SDC2: variants seen among roughly 807,000 people sequenced by gnomAD.
SDC2 encodes syndecan 2, also known as syndecan-2.
Under a neutral mutation model 22.2 loss-of-function variants are expected in SDC2, and 13 were observed. That is an observed-to-expected ratio of 0.59 (90% CI 0.38 to 0.93). The LOEUF (loss-of-function observed/expected upper bound fraction) is 0.93, where lower values mean the gene tolerates loss of function less well. Among genes scored for constraint, SDC2 ranks in the 40% least tolerant of loss-of-function variants. The pLI is 0.00. For synonymous variants in SDC2, 94 were observed against 92.8 expected, an observed-to-expected ratio of 1.01 and a Z score of -0.07; for missense variants, 235 against 246.8, an observed-to-expected ratio of 0.95 and a Z score of 0.32.
chr8:96,592,828 C>T (rs569595903), intron 1 of SDC2, among the ~76,000 whole-genome samples: 1 of 152,332 alleles, frequency 6.6e-6, no homozygotes, highest in African/African-American at 2.4e-5. Flanking sequence ...TAGAAGCAGG[C>T]GTGCAGTGGG....
intron 1 of SDC2, among the ~76,000 whole-genome samples, chr8:96,571,480 C>A (rs184979947): frequency 4.6e-5 from 7 of 152,320 alleles, no homozygotes; most frequent in African/African-American, 1.7e-4. Flanking sequence ...CTCAAATTTC[C>A]ATACAGATTA....
intron 1 of SDC2, among the ~76,000 whole-genome samples, chr8:96,509,487 C>T (rs1813297493): frequency 7.1e-6 from 1 of 141,722 alleles, no homozygotes; most frequent in South Asian, 2.3e-4. Context: ...AAGGAGGAGG[C>T]ATTTTGGTTT....
intron 1 of SDC2, among the ~76,000 whole-genome samples, chr8:96,567,404 A>G (rs996269234): frequency 1.3e-5 from 2 of 152,222 alleles, no homozygotes; most frequent in African/African-American, 2.4e-5. Flanking sequence ...TTTTGGTTAT[A>G]TGAATTAATC....
At chr8:96,505,277 T>C (rs1170941918) in intron 1 of SDC2, among the ~76,000 whole-genome samples, 1 of 152,128 alleles carries the variant, frequency 6.6e-6, no homozygotes, top group Non-Finnish European at 1.5e-5. Flanking sequence ...TTAAAGAAGG[T>C]CAGCATCGGA....
At chr8:96,509,819 G>A (rs1205166524) in intron 1 of SDC2, among the ~76,000 whole-genome samples, 1 of 152,176 alleles carries the variant, frequency 6.6e-6, no homozygotes, top group African/African-American at 2.4e-5. Flanking sequence ...TGGCTTTCCA[G>A]GACTCATCTG....
intron 1 of SDC2, among the ~76,000 whole-genome samples, chr8:96,583,821 T>C (rs570787499): frequency 6.6e-6 from 1 of 152,226 alleles, no homozygotes; most frequent in Admixed American, 6.5e-5. Context: ...TACTTATTAC[T>C]ATGTGGTATA....
At chr8:96,512,671 T>C (rs1340090221) in intron 1 of SDC2, among the ~76,000 whole-genome samples, 1 of 152,164 alleles carries the variant, frequency 6.6e-6, no homozygotes, top group African/African-American at 2.4e-5. Flanking sequence ...TAGTCAAGCA[T>C]GGAATATTTG....
chr8:96,557,505 C>G (rs1192727306), intron 1 of SDC2, among the ~76,000 whole-genome samples: 2 of 149,580 alleles, frequency 1.3e-5, no homozygotes, highest in Non-Finnish European at 1.5e-5. Flanking sequence ...AATCATCATT[C>G]TCAGTAAACT....
intron 1 of SDC2, among the ~76,000 whole-genome samples, chr8:96,532,194 T>C (rs748984775): frequency 3.3e-5 from 5 of 152,112 alleles, no homozygotes; most frequent in Admixed American, 6.5e-5. Flanking sequence ...ATAAGTACAG[T>C]GAATGTGGGC....
intron 1 of SDC2, among the ~76,000 whole-genome samples, chr8:96,499,439 A>G (rs892949535): frequency 6.6e-6 from 1 of 152,232 alleles, no homozygotes; most frequent in Non-Finnish European, 1.5e-5. Context: ...TCGCTGGTCT[A>G]GATCACAGCA....
intron 3 of SDC2, among the ~76,000 whole-genome samples, chr8:96,606,792 G>C (rs754555003): frequency 5.3e-5 from 8 of 152,178 alleles, no homozygotes; most frequent in Non-Finnish European, 1.2e-4. Flanking sequence ...AATCCTGGGG[G>C]TTTAGTGAGG....
chr8:96,497,516 G>A (rs1333949775), intron 1 of SDC2, among the ~76,000 whole-genome samples: 1 of 152,146 alleles, frequency 6.6e-6, no homozygotes, highest in East Asian at 1.9e-4. Context: ...CCTACCCTGT[G>A]TAATATGATC....
Position 96,610,542 on chromosome 8 carries a change from A to G in SDC2, c.*994A>G, listed in dbSNP as rs1302095856. ...AAAAAAGTTGGTATTTTATAAGCAC[A>G]GACAATTCTAATGGTAACTTTTGTA... On this transcript the variant is annotated 3_prime_UTR_variant, in exon 5 of 5. Coordinates refer to ENST00000302190, the MANE Select transcript of SDC2 (RefSeq NM_002998.4). 1 of 152,676 alleles carries G rather than the reference A, an allele frequency of 6.5e-6. No individual in the cohort carries two copies. The highest frequency in any genetic ancestry group is 1.9e-4 in the East Asian group (1 of 5,202). 9.5% of individuals were successfully genotyped at this position (152,676 alleles called of 1,614,324 possible).
rs542544572 is a variant in SDC2 at position 96,496,572 on chromosome 8, T to C, written c.60+2241T>C. Among the ~76,000 whole-genome samples the C allele has an allele frequency of 4.6e-5, 7 of 152,282 alleles. 1 individual carries two copies. The South Asian group carries it at 1.0e-3, about 23-fold the overall frequency. On this transcript the variant is annotated intron_variant, in intron 1 of 4. Coordinates refer to ENST00000302190, the MANE Select transcript of SDC2 (RefSeq NM_002998.4). Reference sequence around the variant, plus strand: ...TGTTTCATGTATAGCAGCAAAAATATAAATGAAGTCAAAAGACTGAATTTA... The same window carrying C: ...TGTTTCATGTATAGCAGCAAAAATACAAATGAAGTCAAAAGACTGAATTTA...
intron 1 of SDC2, among the ~76,000 whole-genome samples, chr8:96,526,932 G>T (rs564107739): frequency 6.6e-6 from 1 of 152,296 alleles, no homozygotes; most frequent in African/African-American, 2.4e-5. Context: ...TAGCCTCTAG[G>T]GAGGTGGTAG....
chr8:96,521,542 T>A (rs755565363), intron 1 of SDC2, among the ~76,000 whole-genome samples: 3 of 152,190 alleles, frequency 2.0e-5, no homozygotes, highest in Non-Finnish European at 4.4e-5. Flanking sequence ...GGGCTCGCAT[T>A]ATCTGTGTTG....
At chr8:96,513,760 C>T (rs931348340) in intron 1 of SDC2, among the ~76,000 whole-genome samples, 2 of 152,224 alleles carry the variant, frequency 1.3e-5, no homozygotes, top group Non-Finnish European at 2.9e-5. Context: ...TGGAAACTTC[C>T]GATCTCGACT....
At chr8:96,580,466 A>C (rs545367491) in intron 1 of SDC2, 2 of 985,236 alleles carry the variant, frequency 2.0e-6, no homozygotes, top group Non-Finnish European at 2.4e-6. Flanking sequence ...AGGGGTGGAC[A>C]TGTTTTCATT....
rs1586277343 is a variant in SDC2, at chr8:96,520,357, T to C, written c.60+26026T>C. 2.6e-5 allele frequency among the ~76,000 whole-genome samples: 4 copies of C among 152,326 alleles called. No individual in the cohort carries two copies. In the East Asian group the frequency reaches 7.7e-4, roughly 29 times the overall value. ...GTATTAGAAATTAGCGTGAGATCTA[T>C]ACATTTAGCAGTTTCTAAAGGTGAT... On this transcript the variant is annotated intron_variant, in intron 1 of 4. Transcript: ENST00000302190.
Sources: allele counts gnomAD v4.1 joint callset (sites outside exome capture counted in the v4.1 genomes callset), GRCh38; gene constraint gnomAD v4.1.1; transcripts MANE v1.5; gene names NCBI Gene and HGNC (gene_info 2026-07-23, HGNC 2026-07-21).